The following COL5A1 variants were observed in gnomAD, a reference collection of about 807,000 sequenced individuals.
The protein encoded by COL5A1 is collagen alpha-1(V) chain.
Under a neutral mutation model 263.7 loss-of-function variants are expected in COL5A1, and 16 were observed. That is an observed-to-expected ratio of 0.06 (90% CI 0.04 to 0.09). The LOEUF is 0.09. Ranked by LOEUF, COL5A1 falls within the 10% of genes least tolerant of loss-of-function variation. COL5A1 has a pLI of 1.00. For missense variants in COL5A1, 2,036 were observed against 2,540.5 expected, an observed-to-expected ratio of 0.80 and a Z score of 4.27; for synonymous variants, 1,012 against 1,004.5, an observed-to-expected ratio of 1.01 and a Z score of -0.14.
At chr9:134,714,282 G>A (rs1834168368) in intron 4 of COL5A1, among the ~76,000 whole-genome samples, 1 of 151,118 alleles carries the variant, frequency 6.6e-6, no homozygotes, top group Non-Finnish European at 1.5e-5. Context: ...GGCGGAGGAG[G>A]TGGTGGTAGT....
chr9:134,766,897 G>A, intron 22 of COL5A1, 103 bp from the exon 23 acceptor site: 1 of 1,113,682 alleles, frequency 9.0e-7, no homozygotes. Context: ...GCAGTGGGGA[G>A]CAGTTTGAAA....
Position 134,754,390 on chromosome 9 carries a change from GGGGTGC to G in COL5A1, c.1827+68_1827+73del, listed in dbSNP as rs1835900026. On this transcript the variant is annotated intron_variant, in intron 16 of 65. Coordinates refer to ENST00000371817, the MANE Select transcript of COL5A1 (RefSeq NM_000093.5). This position sits in a 1 kb window ranked among gnomAD's most constrained non-coding sequence, Gnocchi z 4.3. ...TTGGGCGCTGGAGGAGCCCAAATCT[GGGGTGC>G]GGGCACCCCCAACAGCCAGCTGGGC... 1 of 1,591,304 alleles carries G rather than the reference GGGGTGC, an allele frequency of 6.3e-7. No homozygotes were observed. Among genetic ancestry groups the G allele is most frequent in the East Asian group, 2.2e-5 (1 of 44,784 alleles).
At chr9:134,725,150 G>T (rs759851109) in intron 4 of COL5A1, among the ~76,000 whole-genome samples, 27 of 152,270 alleles carry the variant, frequency 1.8e-4, no homozygotes, top group Non-Finnish European at 3.5e-4. Context: ...CCTGGACATG[G>T]TCCTCCAAGT....
In COL5A1 at chr9:134,822,016, G is replaced by C; in HGVS notation, c.4555-81G>C. On this transcript the variant is annotated intron_variant, in intron 58 of 65. Coordinates refer to ENST00000371817, the MANE Select transcript of COL5A1 (RefSeq NM_000093.5). Reference sequence around the variant, plus strand: ...GGGGAAGGGACAGGGGAGCCGAGGGGTGTGGCTGGGTAGCAGGGTTGCAGC... The same window carrying C: ...GGGGAAGGGACAGGGGAGCCGAGGGCTGTGGCTGGGTAGCAGGGTTGCAGC... 3 of 1,240,294 alleles carry C rather than the reference G, an allele frequency of 2.4e-6. No individual in the cohort carries two copies. In the South Asian group the frequency reaches 3.6e-5, roughly 15 times the overall value. The allele number at this position is 1,240,294 out of a possible 1,614,324, so 76.8% of individuals were successfully genotyped here.
chr9:134,748,019 ATGCATT>A (rs1835623202), intron 11 of COL5A1, among the ~76,000 whole-genome samples: 1 of 147,638 alleles, frequency 6.8e-6, no homozygotes, highest in Non-Finnish European at 1.5e-5. Flanking sequence ...ATTCACACAC[ATGCATT>A]CATACACATG....
At chr9:134,760,813 C>G (rs542236641) in intron 18 of COL5A1, among the ~76,000 whole-genome samples, 1 of 149,386 alleles carries the variant, frequency 6.7e-6, no homozygotes, top group African/African-American at 2.5e-5. Context: ...CTGACACACC[C>G]CCACATGCAT....
chr9:134,801,598 C>A (rs776132417), intron 37 of COL5A1, among the ~76,000 whole-genome samples: 1 of 152,092 alleles, frequency 6.6e-6, no homozygotes, highest in Non-Finnish European at 1.5e-5. Context: ...GCCAGCCTGA[C>A]CAACATGGTG....
intron 4 of COL5A1, among the ~76,000 whole-genome samples, chr9:134,720,788 T>C (rs1053827469): frequency 6.6e-6 from 1 of 152,162 alleles, no homozygotes; most frequent in Admixed American, 6.5e-5. Context: ...CGTCTCCACA[T>C]GCTGACCTGG....
chr9:134,663,052 G>A (rs1479113847), intron 1 of COL5A1, among the ~76,000 whole-genome samples: 1 of 152,240 alleles, frequency 6.6e-6, no homozygotes, highest in Non-Finnish European at 1.5e-5. Flanking sequence ...AGGCCCTGTG[G>A]GTGGCTTTGC....
chr9:134,699,877 G>T, intron 2 of COL5A1, 32 bp from the exon 3 acceptor site: 2 of 1,607,816 alleles, frequency 1.2e-6, no homozygotes, highest in South Asian at 2.2e-5. Context: ...GGGGCTCCCC[G>T]ACTGCCTTCT....
Position 134,798,532 on chromosome 9 carries a change from C to T in COL5A1, c.2952+71C>T, listed in dbSNP as rs1020048080. ...CCACCCTGCACGTGGGCACAGCCCT[C>T]GCTGCCCAGCGCCATCTAGGACCCT... On this transcript the variant is annotated intron_variant, in intron 37 of 65. Transcript: ENST00000371817. The T allele has an allele frequency of 1.6e-5, 23 of 1,440,038 alleles. No homozygotes were observed. The Admixed American group carries it at 1.7e-4, about 11-fold the overall frequency. The allele number at this position is 1,440,038 out of a possible 1,614,324, so 89.2% of individuals were successfully genotyped here. A position where few individuals can be genotyped will look rare whatever the true frequency, so the allele number is the denominator to read the frequency against.
Position 134,754,177 on chromosome 9 carries a change from G to A in COL5A1, c.1774-96G>A. 1.5e-6 allele frequency: 2 copies of A among 1,334,184 alleles called. No individual in the cohort carries two copies. 82.6% of individuals were successfully genotyped at this position (1,334,184 alleles called of 1,614,324 possible). ...ACATGTTTGTGGCTTGGACAGCCAG[G>A]CATGGGCAGGGTCGATGAGCACAGG... is the stretch of plus-strand genomic sequence containing the variant. On this transcript the variant is annotated intron_variant, in intron 15 of 65. Transcript: ENST00000371817. This position sits in a 1 kb window ranked among gnomAD's most constrained non-coding sequence, Gnocchi z 4.3.
intron 18 of COL5A1, among the ~76,000 whole-genome samples, chr9:134,761,480 T>C (rs1006644937): frequency 1.3e-4 from 20 of 152,234 alleles, no homozygotes; most frequent in African/African-American, 4.8e-4. Context: ...TGTCCCTGAC[T>C]CAGCTCCAGC....
intron 28 of COL5A1, among the ~76,000 whole-genome samples, chr9:134,781,411 G>A (rs894666481): frequency 2.6e-5 from 4 of 152,238 alleles, no homozygotes; most frequent in South Asian, 4.1e-4. Flanking sequence ...TCGGGGCTTC[G>A]GAACACGAGG....
intron 18 of COL5A1, among the ~76,000 whole-genome samples, chr9:134,760,928 C>G: frequency 6.7e-6 from 1 of 150,118 alleles, no homozygotes; most frequent in African/African-American, 2.5e-5. Context: ...CACGTACACA[C>G]ATGCACACAC....
intron 24 of COL5A1, among the ~76,000 whole-genome samples, chr9:134,767,744 C>T (rs1836728209): frequency 6.6e-6 from 1 of 152,218 alleles, no homozygotes; most frequent in African/African-American, 2.4e-5. Context: ...ACTGTATCTC[C>T]AGAGCCTACT....
At chr9:134,662,903 T>C (rs2132499967) in intron 1 of COL5A1, among the ~76,000 whole-genome samples, 2 of 152,362 alleles carry the variant, frequency 1.3e-5, no homozygotes, top group African/African-American at 4.8e-5. Context: ...GAACCTCATC[T>C]GCCTCGTTAG....
At chr9:134,828,636 C>A (rs1460136230) in intron 63 of COL5A1, among the ~76,000 whole-genome samples, 2 of 151,490 alleles carry the variant, frequency 1.3e-5, no homozygotes, top group Non-Finnish European at 3.0e-5. Context: ...ACCACACACA[C>A]GATAAACACC....
chr9:134,650,756 C>A (rs1831651979), intron 1 of COL5A1, among the ~76,000 whole-genome samples: 1 of 152,282 alleles, frequency 6.6e-6, no homozygotes, highest in African/African-American at 2.4e-5. Context: ...CGTGCATGTT[C>A]TTCCTCTGGC....
Sources: allele counts gnomAD v4.1 joint callset (sites outside exome capture counted in the v4.1 genomes callset), GRCh38; gene constraint gnomAD v4.1.1; non-coding constraint Gnocchi (gnomAD v3.1); transcripts MANE v1.5; gene names NCBI Gene and HGNC (gene_info 2026-07-23, HGNC 2026-07-21).